Variants in SNX29 observed in about 807,000 individuals in gnomAD.
SNX29 encodes sorting nexin-29.
SNX29 carries 78 observed loss-of-function variants against 102.1 expected under a neutral mutation model. The observed-to-expected ratio is 0.76, with a 90% CI of 0.64 to 0.92. The LOEUF is 0.92. Ranked by LOEUF, SNX29 falls within the 40% of genes least tolerant of loss-of-function variation. The pLI is 0.00. For synonymous variants in SNX29, 580 were observed against 414.5 expected (o/e 1.40, Z -4.85); for missense variants, 1,280 against 1,061.7 (o/e 1.21, Z -2.86).
chr16:12,348,880 T>A (rs2081908422), intron 15 of SNX29, among the ~76,000 whole-genome samples: 1 of 151,994 alleles, frequency 6.6e-6, no homozygotes, highest in Non-Finnish European at 1.5e-5. Flanking sequence ...TGAGTACTGC[T>A]CGGAGAGGAA....
chr16:12,378,664 A>G (rs965879933), intron 16 of SNX29, among the ~76,000 whole-genome samples: 1 of 152,134 alleles, frequency 6.6e-6, no homozygotes, highest in Non-Finnish European at 1.5e-5. Flanking sequence ...TGGGGGATGA[A>G]TTTCAACATG....
chr16:12,386,516 A>G (rs2083347294), intron 16 of SNX29, among the ~76,000 whole-genome samples: 1 of 152,176 alleles, frequency 6.6e-6, no homozygotes, highest in Non-Finnish European at 1.5e-5. Flanking sequence ...TGCTCTGCCC[A>G]CCTGTTCTCA....
At chr16:12,255,147 G>C (rs1246110512) in intron 14 of SNX29, among the ~76,000 whole-genome samples, 1 of 152,004 alleles carries the variant, frequency 6.6e-6, no homozygotes, top group Non-Finnish European at 1.5e-5. Context: ...TTTTGGTGTT[G>C]AGACCATTTA....
chr16:12,425,084 G>C (rs979679640), intron 18 of SNX29, among the ~76,000 whole-genome samples: 3 of 152,216 alleles, frequency 2.0e-5, no homozygotes, highest in Non-Finnish European at 4.4e-5. Flanking sequence ...GGTACAAAAA[G>C]ATACAAACAA....
intron 16 of SNX29, among the ~76,000 whole-genome samples, chr16:12,362,269 A>G (rs2082321651): frequency 1.3e-5 from 2 of 152,164 alleles, no homozygotes; most frequent in East Asian, 1.9e-4. Flanking sequence ...CTCAGTGTAG[A>G]TGAAATCCTC....
chr16:12,206,031 C>G, intron 14 of SNX29, among the ~76,000 whole-genome samples: 1 of 152,174 alleles, frequency 6.6e-6, no homozygotes, highest in East Asian at 1.9e-4. Context: ...TCTAGTGCCA[C>G]CCAAATAATG....
chr16:12,179,390 C>T (rs1330567039), intron 13 of SNX29, among the ~76,000 whole-genome samples: 1 of 152,192 alleles, frequency 6.6e-6, no homozygotes, highest in Admixed American at 6.5e-5. Flanking sequence ...GAGGCCGAGG[C>T]AAGAGGATCG....
chr16:12,144,016 G>C (rs1366921293), intron 13 of SNX29, among the ~76,000 whole-genome samples: 1 of 152,240 alleles, frequency 6.6e-6, no homozygotes, highest in East Asian at 1.9e-4. Context: ...CGAAACACCC[G>C]GGGCTCAGGT....
chr16:12,080,953 A>C (rs1272583173), intron 11 of SNX29, among the ~76,000 whole-genome samples: 2 of 152,124 alleles, frequency 1.3e-5, no homozygotes, highest in Admixed American at 1.3e-4. Context: ...AAGTGCTGGG[A>C]TTACAGGTGT....
chr16:12,044,014 A>G (rs1033620498), intron 5 of SNX29, among the ~76,000 whole-genome samples: 4 of 152,190 alleles, frequency 2.6e-5, no homozygotes, highest in African/African-American at 7.2e-5. Flanking sequence ...TAGGCCTCCC[A>G]AAGTCCTGGG....
At chr16:12,108,984 T>G (rs2053385725) in intron 11 of SNX29, among the ~76,000 whole-genome samples, 1 of 151,060 alleles carries the variant, frequency 6.6e-6, no homozygotes, top group Non-Finnish European at 1.5e-5. Flanking sequence ...AAAAATTAGC[T>G]GGGTGCTGTG....
chr16:12,532,378 C>T (rs77363973), intron 20 of SNX29, among the ~76,000 whole-genome samples: 2,772 of 152,254 alleles, frequency 0.018, 39 homozygotes, highest in South Asian at 0.057. Context: ...CTCCCAGCAG[C>T]GTTCACTTGT....
intron 15 of SNX29, among the ~76,000 whole-genome samples, chr16:12,286,734 G>T (rs868277559): frequency 3.3e-5 from 5 of 152,180 alleles, no homozygotes; most frequent in Admixed American, 2.0e-4. Context: ...CCCATCACCT[G>T]GCTGTAGCTG....
At chr16:12,032,334 A>G (rs2057368759) in intron 4 of SNX29, among the ~76,000 whole-genome samples, 1 of 151,506 alleles carries the variant, frequency 6.6e-6, no homozygotes. Flanking sequence ...CAGCCTCCCA[A>G]GTAGCTGAGA....
chr16:12,558,468 C>A (rs995509978), intron 20 of SNX29, among the ~76,000 whole-genome samples: 14 of 152,202 alleles, frequency 9.2e-5, no homozygotes, highest in Non-Finnish European at 1.6e-4. Flanking sequence ...TTAATGCCAT[C>A]CTTTAAAGTT....
At chr16:12,301,011 C>T (rs1430376410) in intron 15 of SNX29, among the ~76,000 whole-genome samples, 1 of 152,214 alleles carries the variant, frequency 6.6e-6, no homozygotes, top group Non-Finnish European at 1.5e-5. Flanking sequence ...TGTTCTTCCT[C>T]CTGACTTGTG....
At chr16:12,161,525 C>A (rs1008092650) in intron 13 of SNX29, among the ~76,000 whole-genome samples, 2 of 152,190 alleles carry the variant, frequency 1.3e-5, no homozygotes, top group African/African-American at 4.8e-5. Context: ...ACCCTTCAGG[C>A]CTGAAGGAGC....
intron 13 of SNX29, among the ~76,000 whole-genome samples, chr16:12,187,330 C>CGG (rs769554756): frequency 6.6e-6 from 1 of 152,168 alleles, no homozygotes; most frequent in Non-Finnish European, 1.5e-5. Flanking sequence ...GAGGCCAAGG[C>CGG]GGGTAGATCG....
intron 14 of SNX29, among the ~76,000 whole-genome samples, chr16:12,200,609 A>C (rs539341781): frequency 2.6e-5 from 4 of 152,030 alleles, no homozygotes; most frequent in African/African-American, 9.7e-5. Context: ...CAGCCTCCCA[A>C]ATAGCTGGGA....
Sources: allele counts gnomAD v4.1 joint callset (sites outside exome capture counted in the v4.1 genomes callset), GRCh38; gene constraint gnomAD v4.1.1; transcripts MANE v1.5; gene names NCBI Gene and HGNC (gene_info 2026-07-23, HGNC 2026-07-21).